Variants in RANBP2 observed in about 807,000 individuals in gnomAD.
RANBP2 encodes E3 SUMO-protein ligase RanBP2.
RANBP2 carries 57 observed loss-of-function variants against 303.6 expected under a neutral mutation model. That is an observed-to-expected ratio of 0.19 (90% confidence interval 0.15 to 0.23). The LOEUF is 0.23. RANBP2 is among the 10% of genes least tolerant of loss of function. The pLI, the probability that RANBP2 is intolerant of heterozygous loss-of-function variation, is 1.00. For missense variants in RANBP2, 3,138 were observed against 3,780.8 expected (o/e 0.83, Z 4.46); for synonymous variants, 1,167 against 1,301.5 (o/e 0.90, Z 2.23).
the RANBP2 span, chr2:109,564,243 A>C: frequency 1.1e-6 from 1 of 880,268 alleles, no homozygotes; most frequent in Non-Finnish European, 1.6e-6. Flanking sequence ...TCATTACCAA[A>C]TGATTCTATA....
the RANBP2 span, among the ~76,000 whole-genome samples, chr2:108,859,957 T>C: frequency 6.6e-6 from 1 of 152,192 alleles, no homozygotes; most frequent in South Asian, 2.1e-4. Context: ...TTCCATCTGT[T>C]TATGTCATCT....
the RANBP2 span, among the ~76,000 whole-genome samples, chr2:108,923,668 C>A: frequency 2.0e-5 from 3 of 152,258 alleles, no homozygotes; most frequent in Non-Finnish European, 4.4e-5. Context: ...GAGCTGCCAA[C>A]GTGGGCCTTT....
At chr2:109,493,759 C>T in the RANBP2 span, among the ~76,000 whole-genome samples, 1 of 151,952 alleles carries the variant, frequency 6.6e-6, no homozygotes, top group Non-Finnish European at 1.5e-5. Flanking sequence ...ACACTGCACA[C>T]CAAACATGCA....
At chr2:108,756,004 G>A (rs937443083) in intron 17 of RANBP2, among the ~76,000 whole-genome samples, 2 of 152,184 alleles carry the variant, frequency 1.3e-5, no homozygotes, top group African/African-American at 2.4e-5. Context: ...GATTACAGGT[G>A]TAAACCCCCG....
chr2:109,404,660 C>T, the RANBP2 span, among the ~76,000 whole-genome samples: 2 of 152,110 alleles, frequency 1.3e-5, no homozygotes, highest in Non-Finnish European at 2.9e-5. Context: ...GCAGAGCTGA[C>T]CCCTCTCCCA....
At chr2:109,419,837 T>C in the RANBP2 span, among the ~76,000 whole-genome samples, 4 of 152,240 alleles carry the variant, frequency 2.6e-5, no homozygotes, top group South Asian at 6.2e-4. Context: ...CTGATGTCGT[T>C]GTTTCTAGGA....
chr2:109,091,483 T>G, the RANBP2 span, among the ~76,000 whole-genome samples: 2 of 152,166 alleles, frequency 1.3e-5, no homozygotes, highest in African/African-American at 4.8e-5. Flanking sequence ...ATAATAAAAC[T>G]CCAGTCTTCT....
chr2:108,863,855 A>T, the RANBP2 span, among the ~76,000 whole-genome samples: 11 of 152,340 alleles, frequency 7.2e-5, no homozygotes, highest in Admixed American at 4.6e-4. Flanking sequence ...GTAACTTCTG[A>T]AGTCTACTTA....
At chr2:109,673,308 A>T in the RANBP2 span, among the ~76,000 whole-genome samples, 1 of 152,210 alleles carries the variant, frequency 6.6e-6, no homozygotes, top group Non-Finnish European at 1.5e-5. Flanking sequence ...TTATTTCCGT[A>T]GTAGGTCTTG....
At chr2:109,522,906 C>T in the RANBP2 span, among the ~76,000 whole-genome samples, 2 of 152,330 alleles carry the variant, frequency 1.3e-5, no homozygotes, top group Admixed American at 6.5e-5. Context: ...TCAAAATACT[C>T]GTGTGTTTAG....
At chr2:108,967,231 G>A in the RANBP2 span, among the ~76,000 whole-genome samples, 1 of 152,112 alleles carries the variant, frequency 6.6e-6, no homozygotes, top group African/African-American at 2.4e-5. Context: ...CACTGCACCC[G>A]GCCAAATTAT....
In RANBP2 at chr2:108,758,531, A is replaced by C. The variant is rs773615555; in HGVS notation, c.2585A>C (p.His862Pro). 3 of 1,611,352 alleles carry C rather than the reference A, an allele frequency of 1.9e-6. No individual in the cohort carries two copies. The highest frequency in any genetic ancestry group is 2.5e-6 in the Non-Finnish European group (3 of 1,179,778). ...PDGYQGSQTF[H>P]GAPLTVATTG... ...GGATATCAGGGGTCACAGACATTTC[A>C]TGGGGCTCCACTAACAGGTGAGCTG... Residue 862 changes from histidine to proline, a missense_variant, in exon 18 of 29, where the codon CAT becomes CCT. Coordinates refer to ENST00000283195, the MANE Select transcript of RANBP2 (RefSeq NM_006267.5).
chr2:108,793,109 G>C, the RANBP2 span, among the ~76,000 whole-genome samples: 3 of 147,946 alleles, frequency 2.0e-5, no homozygotes, highest in Admixed American at 2.0e-4. Flanking sequence ...TGTAATCCCA[G>C]CACTTTGGGA....
chr2:109,655,738 A>T, the RANBP2 span, among the ~76,000 whole-genome samples: 1 of 152,190 alleles, frequency 6.6e-6, no homozygotes, highest in South Asian at 2.1e-4. Context: ...CTTAAAGCCG[A>T]AAGATTCTGG....
At chr2:109,373,730 T>C in the RANBP2 span, among the ~76,000 whole-genome samples, 4 of 152,170 alleles carry the variant, frequency 2.6e-5, no homozygotes, top group African/African-American at 4.8e-5. Flanking sequence ...ATTATGCTGC[T>C]GTAAAATGGT....
At chr2:108,774,704 C>CTT (rs5833302) in intron 23 of RANBP2, among the ~76,000 whole-genome samples, 227 of 138,208 alleles carry the variant, frequency 1.6e-3, no homozygotes, top group Non-Finnish European at 2.5e-3. Flanking sequence ...TTTCTAGTTT[C>CTT]TTTTTTTTTT....
the RANBP2 span, among the ~76,000 whole-genome samples, chr2:108,920,545 G>T: frequency 1.2e-4 from 18 of 152,224 alleles, no homozygotes; most frequent in South Asian, 1.5e-3. Context: ...CCGGGCTACA[G>T]GGCTCCACAG....
Position 108,765,133 on chromosome 2 carries a change from C to CT in RANBP2, c.4595dup (p.Ser1534LysfsTer4), listed in dbSNP as rs1269722409. 6.2e-7 allele frequency: 1 copy of CT among 1,613,710 alleles called. No individual in the cohort carries two copies. On this transcript the variant is annotated frameshift_variant, in exon 20 of 29. Coordinates refer to ENST00000283195, the MANE Select transcript of RANBP2 (RefSeq NM_006267.5). LOFTEE classifies it high-confidence loss of function. ...TGGTACTTCAGAGACAAGTAAAACT[C>CT]TAAAAAGTGGATTTGAAGACATGTT...
chr2:109,573,894 C>T, the RANBP2 span, among the ~76,000 whole-genome samples: 1 of 152,050 alleles, frequency 6.6e-6, no homozygotes, highest in African/African-American at 2.4e-5. Flanking sequence ...ATGTATTTTA[C>T]GACAATATCT....
Sources: gnomAD v4.1 joint callset for allele counts (sites outside exome capture counted in the v4.1 genomes callset) on GRCh38, gnomAD v4.1.1 for gene constraint, MANE v1.5 for transcripts, NCBI Gene and HGNC (gene_info 2026-07-23, HGNC 2026-07-21) for gene names.